The following TG variants were observed in gnomAD, a reference collection of about 807,000 sequenced individuals.
The protein encoded by TG is thyroid hormones.
Under a neutral mutation model 324.7 loss-of-function variants are expected in TG, and 270 were observed. That is an observed-to-expected ratio of 0.83 (90% CI 0.75 to 0.92). The LOEUF (loss-of-function observed/expected upper bound fraction) is 0.92, where lower values mean the gene tolerates loss of function less well. Among genes scored for constraint, TG ranks in the 40% least tolerant of loss-of-function variants. The pLI is 0.00. For synonymous variants in TG, 1,401 were observed against 1,327.0 expected, an observed-to-expected ratio of 1.06 and a Z score of -1.21; for missense variants, 3,591 against 3,456.4, an observed-to-expected ratio of 1.04 and a Z score of -0.98.
chr8:133,016,314 G>T (rs1329425128), intron 37 of TG, among the ~76,000 whole-genome samples: 3 of 152,108 alleles, frequency 2.0e-5, no homozygotes, highest in Admixed American at 2.0e-4. Flanking sequence ...TGGGAGCAGT[G>T]GTTGTCCTGC....
chr8:133,128,170 C>T (rs759758711), intron 45 of TG, among the ~76,000 whole-genome samples: 2 of 152,138 alleles, frequency 1.3e-5, no homozygotes, highest in Non-Finnish European at 2.9e-5. Flanking sequence ...GTGAGCTCCT[C>T]AGCAGAACGG....
intron 35 of TG, chr8:132,988,813 A>G: frequency 1.0e-6 from 1 of 985,380 alleles, no homozygotes; most frequent in Non-Finnish European, 1.2e-6. Context: ...CTGCTTCCCA[A>G]ATGTGGGATC....
At position 132,941,141 on chromosome 8, in the gene TG, T is replaced by G. The variant is rs559990027; in HGVS notation, c.5042-210T>G. Among the ~76,000 whole-genome samples, 145 of 152,332 alleles carry G rather than the reference T, an allele frequency of 9.5e-4. 1 individual carries two copies. Among genetic ancestry groups the G allele is most frequent in the African/African-American group, 3.3e-3 (136 of 41,578 alleles). ...TGGGCATTTGTCCCGATCTCCTGGG[T>G]TTGGGGCCATGGCCTTGGCTGGCCC... On this transcript the variant is annotated intron_variant, in intron 25 of 47. Coordinates refer to ENST00000220616, the MANE Select transcript of TG (RefSeq NM_003235.5).
intron 8 of TG, among the ~76,000 whole-genome samples, chr8:132,884,615 T>C (rs768405352): frequency 2.0e-5 from 3 of 152,246 alleles, no homozygotes; most frequent in Non-Finnish European, 4.4e-5. Flanking sequence ...GGAGACACTT[T>C]CTTGAAGGTA....
intron 43 of TG, among the ~76,000 whole-genome samples, chr8:133,101,858 A>G (rs1849298692): frequency 7.8e-6 from 1 of 128,510 alleles, no homozygotes. Context: ...GAGTGACACA[A>G]TGGCCAGGAA....
At chr8:133,062,031 C>T (rs931563859) in intron 41 of TG, among the ~76,000 whole-genome samples, 3 of 152,194 alleles carry the variant, frequency 2.0e-5, no homozygotes, top group Non-Finnish European at 4.4e-5. Context: ...AGACAATGAC[C>T]AGGCTCGCAA....
At position 132,935,753 on chromosome 8, in the gene TG, C is replaced by T. The variant is rs756060796; in HGVS notation, c.4933-3C>T. The T allele has an allele frequency of 6.2e-7, 1 of 1,609,806 alleles. No homozygotes were observed. Among genetic ancestry groups the T allele is most frequent in the Non-Finnish European group, 8.5e-7 (1 of 1,177,244 alleles). On this transcript the variant is annotated splice_polypyrimidine_tract_variant and splice_region_variant and intron_variant, in intron 24 of 47. Transcript: ENST00000220616. Reference sequence around the variant, plus strand: ...TAATAATGCAGCATCTTTCCATCTCCAGAAACGAGATGCACTGGGGAACTC... The same window carrying T: ...TAATAATGCAGCATCTTTCCATCTCTAGAAACGAGATGCACTGGGGAACTC...
chr8:133,113,792 T>C (rs1324236946), intron 44 of TG, 189 bp downstream of exon 44: 1 of 666,914 alleles, frequency 1.5e-6, no homozygotes, highest in Non-Finnish European at 2.5e-6. Context: ...ACATGTAGGG[T>C]GGACCCTGCT....
chr8:133,026,399 T>C lies in TG; in HGVS notation c.7037-3422T>C, dbSNP rs1164542871. Reference sequence around the variant, plus strand: ...CCCAGCCCAGTGTTTAAAAGGAGTCTTGGTTCCTACGGATGTGAGCAGTTG... The same window carrying C: ...CCCAGCCCAGTGTTTAAAAGGAGTCCTGGTTCCTACGGATGTGAGCAGTTG... On this transcript the variant is annotated intron_variant, in intron 40 of 47. Transcript: ENST00000220616. Among the ~76,000 whole-genome samples, 46 of 152,140 alleles carry C rather than the reference T, an allele frequency of 3.0e-4. 1 individual carries two copies. Among genetic ancestry groups the C allele is most frequent in the Admixed American group, 3.0e-3 (46 of 15,276 alleles).
chr8:132,906,947 G>A lies in TG; in HGVS notation c.3847+47G>A, dbSNP rs762893430. 3 of 1,558,796 alleles carry A rather than the reference G, an allele frequency of 1.9e-6. 1 individual carries two copies. The South Asian group carries it at 3.5e-5, about 18-fold the overall frequency. On this transcript the variant is annotated intron_variant, in intron 17 of 47. Transcript: ENST00000220616. ...ATCCTGCACCCCGCTCCCTCTCAGG[G>A]CTAGGGCTGGGACCGAGATATGGAG...
chr8:133,089,618 C>G (rs1253113241), intron 41 of TG, among the ~76,000 whole-genome samples: 1 of 152,178 alleles, frequency 6.6e-6, no homozygotes, highest in Non-Finnish European at 1.5e-5. Flanking sequence ...GGAAATTCTT[C>G]TCTTCATTTA....
At chr8:132,998,663 G>GCTGGC (rs1346175470) in intron 35 of TG, among the ~76,000 whole-genome samples, 2 of 152,244 alleles carry the variant, frequency 1.3e-5, no homozygotes, top group African/African-American at 4.8e-5. Flanking sequence ...AAATTAAAGA[G>GCTGGC]CTGGCGTGAG....
chr8:132,868,191 CGT>C lies in TG; in HGVS notation c.146_147del (p.Val49AlafsTer30). On this transcript the variant is annotated frameshift_variant, in exon 2 of 48. Coordinates refer to ENST00000220616, the MANE Select transcript of TG (RefSeq NM_003235.5). LOFTEE classifies it high-confidence loss of function. ...CGGCCTTTCTGAAGCAAGCAGACTACGTGCCCCAGTGTGCAGAGGATGGCAGC... is the reference window on the plus strand; with the variant it reads ...CGGCCTTTCTGAAGCAAGCAGACTACGCCCCAGTGTGCAGAGGATGGCAGC... Reference protein sequence around the residue: ...ETAFLKQADYVPQCAEDGSFQ... With the variant: ...ETAFLKQADYXPQCAEDGSFQ... The C allele has an allele frequency of 6.2e-7, 1 of 1,614,128 alleles. No homozygotes were observed. Among genetic ancestry groups the C allele is most frequent in the Non-Finnish European group, 8.5e-7 (1 of 1,180,010 alleles).
intron 5 of TG, among the ~76,000 whole-genome samples, chr8:132,881,577 C>T (rs1814650031): frequency 6.6e-6 from 1 of 152,142 alleles, no homozygotes. Flanking sequence ...ATGAGACAAA[C>T]GCATGGGCAT....
rs531167775 is a variant in TG, at chr8:133,133,544, G to C, written c.8072G>C (p.Arg2691Pro). The C allele has an allele frequency of 1.2e-6, 2 of 1,614,166 alleles. No individual in the cohort carries two copies. The highest frequency in any genetic ancestry group is 8.5e-7 in the Non-Finnish European group (1 of 1,180,024). Reference sequence around the variant, plus strand: ...ACCCCCTGGCCTGACTTTGTACCCCGTGCTGGTGGAGAGAACTACAAGGAG... The same window carrying C: ...ACCCCCTGGCCTGACTTTGTACCCCCTGCTGGTGGAGAGAACTACAAGGAG... ...FATPWPDFVP[R>P]AGGENYKEFS... Residue 2691 changes from arginine (R) to proline (P), a missense_variant, in exon 47 of 48, where the codon CGT becomes CCT. Arg to Pro is a moderately radical substitution (Grantham distance 103). Coordinates refer to ENST00000220616, the MANE Select transcript of TG (RefSeq NM_003235.5).
chr8:132,972,382 T>G (rs952512852), intron 33 of TG: 2 of 605,000 alleles, frequency 3.3e-6, no homozygotes, highest in African/African-American at 3.7e-5. Context: ...GTTAGGTGCT[T>G]GATAAGTAGC....
At chr8:133,016,477 A>T (rs1835039274) in intron 37 of TG, among the ~76,000 whole-genome samples, 1 of 152,176 alleles carries the variant, frequency 6.6e-6, no homozygotes, top group African/African-American at 2.4e-5. Flanking sequence ...TCTATATGAT[A>T]CAAAGCTCCT....
At chr8:132,999,053 C>A (rs979912853) in intron 35 of TG, among the ~76,000 whole-genome samples, 2 of 152,144 alleles carry the variant, frequency 1.3e-5, no homozygotes, top group Admixed American at 1.3e-4. Flanking sequence ...ACCAGGACTG[C>A]AGCCCAGAGT....
At chr8:132,980,163 A>G (rs935936869) in intron 34 of TG, among the ~76,000 whole-genome samples, 5 of 152,122 alleles carry the variant, frequency 3.3e-5, no homozygotes, top group African/African-American at 1.2e-4. Context: ...TTGTCTTCTA[A>G]TAAGATGACT....
Sources: allele counts gnomAD v4.1 joint callset (sites outside exome capture counted in the v4.1 genomes callset), GRCh38; gene constraint gnomAD v4.1.1; transcripts MANE v1.5; gene names NCBI Gene and HGNC (gene_info 2026-07-23, HGNC 2026-07-21).